Variants in ABI3BP observed in about 807,000 individuals in gnomAD.
ABI3BP encodes target of Nesh-SH3.
In ABI3BP, 216 loss-of-function variants were observed where a neutral mutation model predicts 268.6. The ratio of observed to expected loss-of-function variants is 0.80; its 90% CI spans 0.72 to 0.90. ABI3BP has a LOEUF of 0.90. ABI3BP is among the 40% of genes least tolerant of loss of function. The pLI is 0.00. For synonymous variants in ABI3BP, 730 were observed against 730.0 expected (o/e 1.00, Z 0.00); for missense variants, 2,090 against 2,182.4 (o/e 0.96, Z 0.84).
Position 100,993,311 on chromosome 3 carries a change from G to A in ABI3BP, c.74C>T (p.Pro25Leu). Residue 25 changes from proline (P) to leucine (L), a missense_variant, in exon 1 of 68, where the codon CCA becomes CTA. By Grantham distance (98) the Pro-to-Leu change is moderately conservative. Coordinates refer to ENST00000471714, the MANE Select transcript of ABI3BP (RefSeq NM_001375547.2). ...TLALGNAQKL[P>L]KGKRPNLKVH... is the part of the protein sequence containing the mutation. Reference sequence around the variant, plus strand: ...TAAAACATCAGGCTACTTGCCTTTTGGCAATTTCTGTGCATTTCCCAGGGC... The same window carrying A: ...TAAAACATCAGGCTACTTGCCTTTTAGCAATTTCTGTGCATTTCCCAGGGC... The A allele has an allele frequency of 6.5e-7, 1 of 1,549,330 alleles. No homozygotes were observed. The highest frequency in any genetic ancestry group is 8.7e-7 in the Non-Finnish European group (1 of 1,145,242).
In ABI3BP at chr3:100,871,882, G is replaced by A. The variant is rs529252926; in HGVS notation, c.910+2959C>T. ...GACCAGGTCTTGCTCTGTTGCCCAGGCTGTAGTACAGTGGTGCAGTCAGAG... is the reference window on the plus strand; with the variant it reads ...GACCAGGTCTTGCTCTGTTGCCCAGACTGTAGTACAGTGGTGCAGTCAGAG... On this transcript the variant is annotated intron_variant, in intron 9 of 67. Coordinates refer to ENST00000471714, the MANE Select transcript of ABI3BP (RefSeq NM_001375547.2). 7.2e-5 allele frequency among the ~76,000 whole-genome samples: 11 copies of A among 152,296 alleles called. No individual in the cohort carries two copies. In the East Asian group the frequency reaches 7.7e-4, roughly 11 times the overall value.
chr3:100,926,542 C>T lies in ABI3BP; in HGVS notation c.80-61G>A, dbSNP rs73861991. 9.2e-4 allele frequency: 1,369 copies of T among 1,489,624 alleles called. 13 individuals are homozygous for T. In the African/African-American group the frequency reaches 0.016, roughly 18 times the overall value. The allele number at this position is 1,489,624 out of a possible 1,614,324, so 92.3% of individuals were successfully genotyped here. On this transcript the variant is annotated intron_variant, in intron 1 of 67. Coordinates refer to ENST00000471714, the MANE Select transcript of ABI3BP (RefSeq NM_001375547.2). ...TTCCCCTTTTTAGCATCCTACCCAACTTCCCAGCAAGTGTTGGTGGCTAGA... is the reference window on the plus strand; with the variant it reads ...TTCCCCTTTTTAGCATCCTACCCAATTTCCCAGCAAGTGTTGGTGGCTAGA...
At chr3:100,864,456 A>G in intron 11 of ABI3BP, 1 of 332,414 alleles carries the variant, frequency 3.0e-6, no homozygotes, top group Non-Finnish European at 5.5e-6. Context: ...AGTATGCACA[A>G]GACTTCCCAA....
At chr3:100,778,600 A>C (rs1321638833) in intron 58 of ABI3BP, 3 of 516,298 alleles carry the variant, frequency 5.8e-6, no homozygotes, top group East Asian at 3.3e-5. Context: ...TATATAGAAA[A>C]CATGTCCTCA....
chr3:100,798,476 T>C (rs1236144049), intron 51 of ABI3BP, among the ~76,000 whole-genome samples: 2 of 152,100 alleles, frequency 1.3e-5, no homozygotes, highest in Non-Finnish European at 2.9e-5. Context: ...CGTACATCTT[T>C]CATGCTGGGA....
intron 1 of ABI3BP, among the ~76,000 whole-genome samples, chr3:100,944,973 C>A (rs953699397): frequency 1.3e-5 from 2 of 152,134 alleles, no homozygotes; most frequent in Non-Finnish European, 2.9e-5. Context: ...AGGAGGGGTT[C>A]TGAGATCAAC....
At chr3:100,765,799 T>C (rs779357325) in intron 63 of ABI3BP, 42 bp downstream of exon 63, 1 of 1,401,614 alleles carries the variant, frequency 7.1e-7, no homozygotes, top group African/African-American at 1.4e-5. Context: ...GTTATAACTT[T>C]TGCACTCTCA....
chr3:100,777,461 A>AT (rs1438293418), intron 59 of ABI3BP, among the ~76,000 whole-genome samples: 3 of 152,136 alleles, frequency 2.0e-5, no homozygotes, highest in African/African-American at 7.2e-5. Flanking sequence ...TAAGCACTGG[A>AT]TTTGGTTCTG....
In ABI3BP at chr3:100,886,199, C is replaced by A. The variant is rs1340504869; in HGVS notation, c.586G>T (p.Asp196Tyr). 6.2e-7 allele frequency: 1 copy of A among 1,608,664 alleles called. No homozygotes were observed. Among genetic ancestry groups the A allele is most frequent in the Non-Finnish European group, 8.5e-7 (1 of 1,177,334 alleles). Reference sequence around the variant, plus strand: ...CTCCAAATTCCACCTTCCACATTGTCTTTCACTCCAAATTCATAAACTGTG... The same window carrying A: ...CTCCAAATTCCACCTTCCACATTGTATTTCACTCCAAATTCATAAACTGTG... ...PNTVYEFGVK[D>Y]NVEGGIWSKI... The change falls in exon 5 of 68, where the codon GAC (aspartate) becomes TAC (tyrosine). Residue 196 changes from aspartate to tyrosine, a missense_variant. Asp to Tyr is a radical substitution (Grantham distance 160). Transcript: ENST00000471714.
chr3:100,930,406 T>A (rs779169365), intron 1 of ABI3BP, among the ~76,000 whole-genome samples: 1 of 151,994 alleles, frequency 6.6e-6, no homozygotes, highest in Non-Finnish European at 1.5e-5. Flanking sequence ...GGATCTACGA[T>A]GGTGGTTTCT....
chr3:100,799,032 G>A (rs568278521), intron 51 of ABI3BP, among the ~76,000 whole-genome samples: 12 of 151,928 alleles, frequency 7.9e-5, no homozygotes, highest in Non-Finnish European at 1.6e-4. Flanking sequence ...CATTATTTCT[G>A]TTATATTTTT....
chr3:100,801,065 T>A (rs1280404740), intron 51 of ABI3BP, among the ~76,000 whole-genome samples: 3 of 152,160 alleles, frequency 2.0e-5, no homozygotes, highest in African/African-American at 7.2e-5. Flanking sequence ...ATTTTATCCC[T>A]AAGCATGGAA....
At chr3:100,782,165 T>C (rs753824786) in intron 57 of ABI3BP, among the ~76,000 whole-genome samples, 10 of 152,210 alleles carry the variant, frequency 6.6e-5, no homozygotes, top group Non-Finnish European at 1.0e-4. Context: ...TATCCAGCCA[T>C]GCCACGGGTG....
rs192557011 is a variant in ABI3BP, at chr3:100,834,711, G to A, written c.2254C>T (p.Arg752Cys). ...RPRPKHKTTP[R>C]PETLQTKLDF... is the part of the protein sequence containing the mutation. Reference sequence around the variant, plus strand: ...AGTTTGGTCTGCAGTGTCTCTGGGCGTGGCGTGGTTTTATGTTTGGGACGT... The same window carrying A: ...AGTTTGGTCTGCAGTGTCTCTGGGCATGGCGTGGTTTTATGTTTGGGACGT... Residue 752 changes from arginine (R) to cysteine (C), a missense_variant, in exon 29 of 68, where the codon CGC becomes TGC. Arg to Cys is a radical substitution (Grantham distance 180, BLOSUM62 -3). Transcript: ENST00000471714. The A allele has an allele frequency of 1.7e-4, 264 of 1,535,704 alleles. No homozygotes were observed. The East Asian group carries it at 1.8e-3, about 11-fold the overall frequency.
intron 2 of ABI3BP, among the ~76,000 whole-genome samples, chr3:100,924,259 C>A (rs1249984276): frequency 6.6e-6 from 1 of 151,992 alleles, no homozygotes; most frequent in African/African-American, 2.4e-5. Flanking sequence ...GAGGCATAAT[C>A]CAATATATCA....
Position 100,864,229 on chromosome 3 carries a change from A to G in ABI3BP, c.1064-153T>C, listed in dbSNP as rs760091536. Reference sequence around the variant, plus strand: ...AAATAACCTTCCCTGGAAAAGTTACATAGCTGTTAAAATATGAAGGTGTAC... The same window carrying G: ...AAATAACCTTCCCTGGAAAAGTTACGTAGCTGTTAAAATATGAAGGTGTAC... On this transcript the variant is annotated intron_variant, in intron 11 of 67. Transcript: ENST00000471714. 6 of 632,326 alleles carry G rather than the reference A, an allele frequency of 9.5e-6. No individual in the cohort carries two copies. The African/African-American group carries it at 1.1e-4, about 12-fold the overall frequency. The allele number at this position is 632,326 out of a possible 1,614,324, so 39.2% of individuals were successfully genotyped here.
intron 2 of ABI3BP, among the ~76,000 whole-genome samples, chr3:100,923,769 G>A (rs1006998525): frequency 6.6e-6 from 1 of 152,138 alleles, no homozygotes; most frequent in Non-Finnish European, 1.5e-5. Flanking sequence ...TAGGGAGAAA[G>A]AATAATAGAA....
At chr3:100,924,525 C>G (rs1164427366) in intron 2 of ABI3BP, among the ~76,000 whole-genome samples, 4 of 151,982 alleles carry the variant, frequency 2.6e-5, no homozygotes, top group Non-Finnish European at 5.9e-5. Flanking sequence ...AAAGAATACA[C>G]AAAACAAGAT....
chr3:100,935,494 G>A (rs896704824), intron 1 of ABI3BP, among the ~76,000 whole-genome samples: 1 of 152,078 alleles, frequency 6.6e-6, no homozygotes, highest in Non-Finnish European at 1.5e-5. Flanking sequence ...ATTGAAAGTA[G>A]TTTTTTCCAA....
Sources: gnomAD v4.1 joint callset for allele counts (sites outside exome capture counted in the v4.1 genomes callset) on GRCh38, gnomAD v4.1.1 for gene constraint, MANE v1.5 for transcripts, NCBI Gene and HGNC (gene_info 2026-07-23, HGNC 2026-07-21) for gene names.